YARS2: variants seen among roughly 807,000 people sequenced by gnomAD.
YARS2 encodes tyrosyl-tRNA synthetase 2, also known as tyrosine--tRNA ligase, mitochondrial.
In YARS2, 38 loss-of-function variants were observed where a neutral mutation model predicts 45.0. That is an observed-to-expected ratio of 0.84 (90% CI 0.65 to 1.11). YARS2 has a LOEUF of 1.11. Among genes scored for constraint, YARS2 ranks in the 50% least tolerant of loss-of-function variants. YARS2 has a pLI of 0.00. For synonymous variants in YARS2, 287 were observed against 245.1 expected (o/e 1.17, Z -1.60); for missense variants, 602 against 599.8 (o/e 1.00, Z -0.04).
intron 4 of YARS2, 34 bp from the exon 5 acceptor site, chr12:32,747,397 TC>T (rs1565556114): frequency 6.2e-7 from 1 of 1,607,846 alleles, no homozygotes; most frequent in Admixed American, 1.7e-5. Flanking sequence ...AGTAGAGAGA[TC>T]CAATCACTGT....
intron 4 of YARS2, among the ~76,000 whole-genome samples, chr12:32,747,659 T>G (rs991199344): frequency 6.6e-6 from 1 of 152,226 alleles, no homozygotes; most frequent in Non-Finnish European, 1.5e-5. Context: ...TGCCTCAGCC[T>G]CCAGAGTAGC....
chr12:32,750,587 T>C (rs1955724460), intron 3 of YARS2, 132 bp downstream of exon 3: 1 of 1,203,006 alleles, frequency 8.3e-7, no homozygotes, highest in Non-Finnish European at 1.2e-6. Context: ...CAGGGGCTAT[T>C]TTAAATTGCT....
At position 32,747,254 on chromosome 12, in the gene YARS2, G is replaced by A; in HGVS notation, c.1384C>T (p.Leu462Phe). 6.2e-7 allele frequency: 1 copy of A among 1,613,522 alleles called. No individual in the cohort carries two copies. The highest frequency in any genetic ancestry group is 2.2e-5 in the East Asian group (1 of 44,864). The change falls in exon 5 of 5, where the codon CTT becomes TTT. Residue 462 changes from leucine to phenylalanine, a missense_variant. Coordinates refer to ENST00000324868, the MANE Select transcript of YARS2 (RefSeq NM_001040436.3). ...QHILKNGLSLLKIGKRNFYII... is the reference protein window; with the variant it reads ...QHILKNGLSLFKIGKRNFYII... ...TAGAAATTTCTTTTTCCTATTTTAAGTAAGGAAAGTCCATTCTTGAGAATA... is the reference window on the plus strand; with the variant it reads ...TAGAAATTTCTTTTTCCTATTTTAAATAAGGAAAGTCCATTCTTGAGAATA...
At position 32,755,610 on chromosome 12, in the gene YARS2, C is replaced by T. The variant is rs1565561332; in HGVS notation, c.265G>A (p.Val89Met). The change falls in exon 1 of 5, where the codon GTG becomes ATG. Residue 89 changes from valine (V) to methionine (M), a missense_variant. Physicochemically the swap from Val to Met is conservative, Grantham distance 21. Transcript: ENST00000324868. Reference sequence around the variant, plus strand: ...CCCAGCAGCGCAAGTAGATGACCCACATGAAGCGAGTCTGCCGTGGGGTCG... The same window carrying T: ...CCCAGCAGCGCAAGTAGATGACCCATATGAAGCGAGTCTGCCGTGGGGTCG... ...GFDPTADSLH[V>M]GHLLALLGLF... 1 of 1,614,090 alleles carries T rather than the reference C, an allele frequency of 6.2e-7. No individual in the cohort carries two copies.
intron 1 of YARS2, 105 bp from the exon 2 acceptor site, chr12:32,754,190 TC>T: frequency 8.1e-7 from 1 of 1,238,818 alleles, no homozygotes; most frequent in Admixed American, 1.7e-5. Flanking sequence ...CAGGAAAACT[TC>T]CTTGACCTCC....
rs765409218 is a variant in YARS2, at chr12:32,750,682, A to AACTAACTATC, written c.1103+27_1103+36dup. 8 of 1,608,172 alleles carry AACTAACTATC rather than the reference A, an allele frequency of 5.0e-6. No individual in the cohort carries two copies. In the South Asian group the frequency reaches 8.8e-5, roughly 18 times the overall value. On this transcript the variant is annotated intron_variant, in intron 3 of 4. Transcript: ENST00000324868. Reference sequence around the variant, plus strand: ...CTTTTCTCATGTCTATCCACTGAATAACTAACTATCAAGTGTTAATCATAC... The same window carrying AACTAACTATC: ...CTTTTCTCATGTCTATCCACTGAATAACTAACTATCACTAACTATCAAGTGTTAATCATAC...
At chr12:32,754,843 T>C (rs1035310228) in intron 1 of YARS2, among the ~76,000 whole-genome samples, 2 of 150,856 alleles carry the variant, frequency 1.3e-5, no homozygotes, top group Non-Finnish European at 2.9e-5. Flanking sequence ...GCCTCCCGAA[T>C]AGCTGGGATT....
At chr12:32,751,953 G>A (rs1050377019) in intron 2 of YARS2, among the ~76,000 whole-genome samples, 3 of 152,192 alleles carry the variant, frequency 2.0e-5, no homozygotes, top group South Asian at 2.1e-4. Flanking sequence ...CTATGTTTAC[G>A]TATACAAATA....
rs896974920 is a variant in YARS2 at position 32,753,966 on chromosome 12, A to T, written c.899T>A (p.Phe300Tyr). 2.5e-6 allele frequency: 4 copies of T among 1,614,118 alleles called. No homozygotes were observed. The highest frequency in any genetic ancestry group is 3.4e-6 in the Non-Finnish European group (4 of 1,180,052). ...VWLNRDKTSP[F>Y]ELYQFFVRQP... is the part of the protein sequence containing the mutation. ...CCTGACAAAGAATTGATACAATTCA[A>T]ATGGAGATGTCTTATCTCTGTTTAG... Residue 300 changes from phenylalanine (F) to tyrosine (Y), a missense_variant, in exon 2 of 5, where the codon TTT becomes TAT. By Grantham distance (22) the Phe-to-Tyr change is conservative. Transcript: ENST00000324868.
chr12:32,751,791 C>T (rs118040215), intron 2 of YARS2, among the ~76,000 whole-genome samples: 1 of 152,294 alleles, frequency 6.6e-6, no homozygotes, highest in East Asian at 1.9e-4. Context: ...TCTAATGCAA[C>T]CGTGGATCTG....
rs1019891702 is a variant in YARS2, at chr12:32,755,840, C to A, written c.35G>T (p.Gly12Val). 3 of 1,613,342 alleles carry A rather than the reference C, an allele frequency of 1.9e-6. No homozygotes were observed. Among genetic ancestry groups the A allele is most frequent in the Non-Finnish European group, 2.5e-6 (3 of 1,180,042 alleles). Residue 12 changes from glycine (G) to valine (V), a missense_variant, in exon 1 of 5, where the codon GGC becomes GTC. Transcript: ENST00000324868. ...GAGATTTAGGGTACCAGACCACCGG[C>A]CCCAGGAAAAGGACCGCAAGATGGG... ...AAPILRSFSW[G>V]RWSGTLNLSV...
chr12:32,749,811 T>C, intron 4 of YARS2, 126 bp downstream of exon 4: 1 of 1,088,710 alleles, frequency 9.2e-7, no homozygotes, highest in Non-Finnish European at 1.4e-6. Context: ...TCTCCTGACC[T>C]CGTGATCTGC....
chr12:32,747,183 G>A lies in YARS2; in HGVS notation c.*21C>T. ...AATGAATGATGGGTAAGTTTATTTG[G>A]ACAACCAGAAGGACTTTTCATCACA... On this transcript the variant is annotated 3_prime_UTR_variant, in exon 5 of 5. Coordinates refer to ENST00000324868, the MANE Select transcript of YARS2 (RefSeq NM_001040436.3). The A allele has an allele frequency of 6.2e-7, 1 of 1,611,216 alleles. No individual in the cohort carries two copies. The highest frequency in any genetic ancestry group is 8.5e-7 in the Non-Finnish European group (1 of 1,179,464).
intron 1 of YARS2, among the ~76,000 whole-genome samples, chr12:32,754,403 T>G (rs1955805507): frequency 1.3e-5 from 2 of 152,230 alleles, no homozygotes; most frequent in Non-Finnish European, 2.9e-5. Flanking sequence ...GGAAATCTTC[T>G]AAACGCCTTT....
At chr12:32,754,411 T>C (rs1000188572) in intron 1 of YARS2, among the ~76,000 whole-genome samples, 2 of 152,220 alleles carry the variant, frequency 1.3e-5, no homozygotes, top group Non-Finnish European at 2.9e-5. Flanking sequence ...TCTAAACGCC[T>C]TTTAAACATG....
At chr12:32,748,453 CTTATA>C (rs1406749760) in intron 4 of YARS2, among the ~76,000 whole-genome samples, 4 of 151,724 alleles carry the variant, frequency 2.6e-5, no homozygotes, top group Non-Finnish European at 5.9e-5. Flanking sequence ...ACCTATTTAG[CTTATA>C]TAATATTAAA....
chr12:32,750,390 TG>T (rs1254546004), intron 3 of YARS2, among the ~76,000 whole-genome samples: 28 of 151,998 alleles, frequency 1.8e-4, no homozygotes, highest in African/African-American at 6.0e-4. Flanking sequence ...TTAGTAGAGA[TG>T]GGGGTTTCAC....
chr12:32,750,984 T>C (rs1380149711), intron 2 of YARS2, 110 bp from the exon 3 acceptor site: 4 of 1,229,744 alleles, frequency 3.3e-6, no homozygotes, highest in Non-Finnish European at 4.6e-6. Context: ...GAAACAAACA[T>C]ACAGAAATGT....
chr12:32,755,157 C>T lies in YARS2; in HGVS notation c.718G>A (p.Val240Ile), dbSNP rs1389897757. Residue 240 changes from valine (V) to isoleucine (I), a missense_variant, in exon 1 of 5, where the codon GTC becomes ATC. Val to Ile is a conservative substitution (Grantham distance 29). Transcript: ENST00000324868. ...AGTTGATCAGATCCGCCCAGCTGGA[C>T]CCTGCATCCATAACGCTGGAAGAGG... is the stretch of plus-strand genomic sequence containing the variant. ...YYLFQRYGCR[V>I]QLGGSDQLGN... is the part of the protein sequence containing the mutation. The T allele has an allele frequency of 6.2e-7, 1 of 1,614,194 alleles. No homozygotes were observed. The highest frequency in any genetic ancestry group is 8.5e-7 in the Non-Finnish European group (1 of 1,180,052).
Sources: allele counts gnomAD v4.1 joint callset (sites outside exome capture counted in the v4.1 genomes callset), GRCh38; gene constraint gnomAD v4.1.1; transcripts MANE v1.5; gene names NCBI Gene and HGNC (gene_info 2026-07-23, HGNC 2026-07-21).